DLG5: variants seen among roughly 807,000 people sequenced by gnomAD.
The protein encoded by DLG5 is discs large MAGUK scaffold protein 5.
DLG5 carries 48 observed loss-of-function variants against 189.8 expected under a neutral mutation model. The observed-to-expected ratio is 0.25, with a 90% confidence interval of 0.20 to 0.32. The LOEUF (loss-of-function observed/expected upper bound fraction) is 0.32. DLG5 is among the 10% of genes least tolerant of loss of function. DLG5 has a pLI of 1.00. For missense variants in DLG5, 2,160 were observed against 2,544.7 expected, an observed-to-expected ratio of 0.85 and a Z score of 3.25; for synonymous variants, 1,016 against 1,054.1, an observed-to-expected ratio of 0.96 and a Z score of 0.70.
At chr10:77,850,100 T>C (rs1371547530) in intron 5 of DLG5, among the ~76,000 whole-genome samples, 1 of 152,202 alleles carries the variant, frequency 6.6e-6, no homozygotes, top group African/African-American at 2.4e-5. Flanking sequence ...CAGTGTTTAA[T>C]ATATTCACAA....
chr10:77,919,558 G>A (rs1846473685), intron 1 of DLG5, among the ~76,000 whole-genome samples: 2 of 127,622 alleles, frequency 1.6e-5, no homozygotes, highest in Admixed American at 1.6e-4. Context: ...AGATTTTGCA[G>A]TTAGGAACAG....
At chr10:77,858,709 T>C (rs1444408839) in intron 2 of DLG5, among the ~76,000 whole-genome samples, 1 of 152,254 alleles carries the variant, frequency 6.6e-6, no homozygotes, top group East Asian at 1.9e-4. Context: ...TTGTTGATCC[T>C]GACCCTCTGT....
At chr10:77,807,999 G>T (rs1375258662) in intron 24 of DLG5, 55 bp from the exon 25 acceptor site, 40 of 1,605,734 alleles carry the variant, frequency 2.5e-5, no homozygotes, top group Middle Eastern at 1.7e-4. Flanking sequence ...GGCAGCTTGG[G>T]CACCCGAGAG....
rs1235716576 is a variant in DLG5, at chr10:77,817,821, C to A, written c.3740G>T (p.Arg1247Ile). ...CAGTGAGTTGGACCCATGGGTGGCT[C>A]TCATCTCGGAGTAGTCGCTGCAGGT... ...HRTCSDYSEM[R>I]ATHGSNSLPS... is the part of the protein sequence containing the mutation. The change falls in exon 18 of 32, where the codon AGA becomes ATA. Residue 1247 changes from arginine (R) to isoleucine (I), a missense_variant. Transcript: ENST00000372391. 6.4e-7 allele frequency: 1 copy of A among 1,555,820 alleles called. No homozygotes were observed.
intron 1 of DLG5, among the ~76,000 whole-genome samples, chr10:77,905,785 T>G (rs1387956626): frequency 1.3e-5 from 2 of 152,158 alleles, no homozygotes; most frequent in Admixed American, 1.3e-4. Flanking sequence ...CTCGTCTTAT[T>G]TATTTCCTTT....
At chr10:77,809,389 G>A (rs547993543) in intron 24 of DLG5, among the ~76,000 whole-genome samples, 158 bp downstream of exon 24, 292 of 152,366 alleles carry the variant, frequency 1.9e-3, no homozygotes, top group Non-Finnish European at 3.8e-3. Flanking sequence ...CTGGGCGACA[G>A]AGCAAGACTC....
chr10:77,935,151 C>T, the DLG5 span, among the ~76,000 whole-genome samples: 1 of 151,988 alleles, frequency 6.6e-6, no homozygotes, highest in Admixed American at 6.5e-5. Context: ...CCACCGTGCC[C>T]AGCCTTAAAT....
chr10:77,829,626 T>C lies in DLG5; in HGVS notation c.2010-96A>G, dbSNP rs1346195325. ...ACTCAGGGGGCTGACTGCCAAGGAGTGGGTGCCTCACATACACGCTCAGAA... is the reference window on the plus strand; with the variant it reads ...ACTCAGGGGGCTGACTGCCAAGGAGCGGGTGCCTCACATACACGCTCAGAA... On this transcript the variant is annotated intron_variant, in intron 11 of 31. Coordinates refer to ENST00000372391, the MANE Select transcript of DLG5 (RefSeq NM_004747.4). The C allele has an allele frequency of 2.1e-6, 3 of 1,411,592 alleles. No individual in the cohort carries two copies. The African/African-American group carries it at 4.3e-5, about 20-fold the overall frequency. 87.4% of individuals were successfully genotyped at this position (1,411,592 alleles called of 1,614,324 possible). A position where few individuals can be genotyped will look rare whatever the true frequency, so the allele number is the denominator to read the frequency against.
In DLG5 at chr10:77,809,654, C is replaced by G. The variant is rs780379547; in HGVS notation, c.4540G>C (p.Val1514Leu). The G allele has an allele frequency of 6.2e-6, 10 of 1,614,096 alleles. No homozygotes were observed. Among genetic ancestry groups the G allele is most frequent in the African/African-American group, 2.7e-5 (2 of 74,944 alleles). The change falls in exon 24 of 32, where the codon GTG becomes CTG. Residue 1514 changes from valine (V) to leucine (L), a missense_variant. Around this residue, in one of 5 missense-constraint regions of DLG5, gnomAD observed 574 missense variants for 644.2 expected, o/e 0.89. Coordinates refer to ENST00000372391, the MANE Select transcript of DLG5 (RefSeq NM_004747.4). ...TGCAGGTTCCCACCACACAAGTGCA[C>G]CCCAAGCTCCAGCTGGGACTTTTTG... ...FIKKSQLELG[V>L]HLCGGNLHGV...
intron 1 of DLG5, 163 bp from the exon 2 acceptor site, chr10:77,869,360 G>T: frequency 1.6e-6 from 1 of 641,548 alleles, no homozygotes; most frequent in Non-Finnish European, 2.7e-6. Context: ...CAGCAGATCT[G>T]GACTTCGGTG....
intron 2 of DLG5, chr10:77,866,907 T>C: frequency 2.2e-6 from 1 of 446,434 alleles, no homozygotes; most frequent in South Asian, 1.6e-5. Flanking sequence ...GAAGCAAAAC[T>C]CGGTTCCCTG....
chr10:77,938,007 C>T, the DLG5 span, among the ~76,000 whole-genome samples: 6 of 151,516 alleles, frequency 4.0e-5, no homozygotes, highest in South Asian at 2.1e-4. Context: ...CGTGAGCCAC[C>T]GCGCCTGGCC....
intron 5 of DLG5, chr10:77,846,802 C>A: frequency 4.5e-6 from 2 of 444,912 alleles, no homozygotes; most frequent in Non-Finnish European, 9.0e-6. Flanking sequence ...ACAAAGGAGG[C>A]TGTCATTGCC....
upstream of DLG5, among the ~76,000 whole-genome samples, chr10:77,931,234 C>T (rs1001371438): frequency 5.0e-4 from 76 of 151,798 alleles, 1 homozygote; most frequent in Non-Finnish European, 8.8e-4. Flanking sequence ...GGATTATAGG[C>T]GTGAGCCACT....
chr10:77,795,380 G>A (rs1288824915), intron 29 of DLG5, among the ~76,000 whole-genome samples: 4 of 152,108 alleles, frequency 2.6e-5, no homozygotes, highest in African/African-American at 4.8e-5. Context: ...CATCCAGGTG[G>A]AGTGCAGGCC....
At chr10:77,813,488 G>A (rs1052212334) in intron 20 of DLG5, among the ~76,000 whole-genome samples, 1 of 152,048 alleles carries the variant, frequency 6.6e-6, no homozygotes. Context: ...TCCCAAACTT[G>A]CCCACTCTGG....
intron 1 of DLG5, among the ~76,000 whole-genome samples, chr10:77,919,180 C>T (rs1166818134): frequency 6.6e-6 from 1 of 152,004 alleles, no homozygotes; most frequent in African/African-American, 2.4e-5. Flanking sequence ...TGCACCACTG[C>T]ACTCCAGCCT....
Position 77,811,194 on chromosome 10 carries a change from C to T in DLG5, c.4363G>A (p.Gly1455Ser). The T allele has an allele frequency of 6.2e-7, 1 of 1,613,334 alleles. No homozygotes were observed. Among genetic ancestry groups the T allele is most frequent in the Non-Finnish European group, 8.5e-7 (1 of 1,179,946 alleles). The change falls in exon 23 of 32, where the codon GGC becomes AGC. Residue 1455 changes from glycine to serine, a missense_variant. This residue lies in a region of DLG5 where 574 missense variants were observed against 644.2 expected (regional missense o/e 0.89). Transcript: ENST00000372391. ...DPAGTHSTLQ[G>S]SGTTTPEHPS... Reference sequence around the variant, plus strand: ...TGCTCCGGGGTGGTGGTGCCACTGCCCTGGAGAGTGGAGTGGGTACCGGCA... The same window carrying T: ...TGCTCCGGGGTGGTGGTGCCACTGCTCTGGAGAGTGGAGTGGGTACCGGCA...
chr10:77,839,369 C>G (rs1328810737), intron 7 of DLG5, among the ~76,000 whole-genome samples: 1 of 152,064 alleles, frequency 6.6e-6, no homozygotes, highest in Admixed American at 6.6e-5. Context: ...GGCGTACTGG[C>G]AAGTGTCTAT....
Sources: allele counts gnomAD v4.1 joint callset (sites outside exome capture counted in the v4.1 genomes callset), GRCh38; gene constraint gnomAD v4.1.1; regional missense constraint gnomAD v4.1.1; transcripts MANE v1.5; gene names NCBI Gene and HGNC (gene_info 2026-07-23, HGNC 2026-07-21).